Variants in USH2A observed in about 807,000 individuals in gnomAD.
USH2A encodes Usher syndrome 2A (autosomal recessive, mild).
A neutral mutation model predicts 538.9 loss-of-function variants in USH2A; 443 were observed. The ratio of observed to expected loss-of-function variants is 0.82; its 90% confidence interval spans 0.76 to 0.89. The LOEUF (loss-of-function observed/expected upper bound fraction) is 0.89. Ranked by LOEUF, USH2A falls within the 40% of genes least tolerant of loss-of-function variation. USH2A has a pLI of 0.00. For missense variants in USH2A, 6,633 were observed against 6,324.8 expected (o/e 1.05, Z -1.65); for synonymous variants, 2,413 against 2,273.5 (o/e 1.06, Z -1.75).
At chr1:216,058,183 A>G (rs1012971059) in intron 30 of USH2A, among the ~76,000 whole-genome samples, 1 of 126,768 alleles carries the variant, frequency 7.9e-6, no homozygotes, top group Non-Finnish European at 1.7e-5. Flanking sequence ...GGTCTCGCCT[A>G]TGAACATCCC....
chr1:216,115,777 G>A (rs1336798071), intron 21 of USH2A, among the ~76,000 whole-genome samples: 1 of 151,758 alleles, frequency 6.6e-6, no homozygotes, highest in African/African-American at 2.4e-5. Context: ...AAACAATTGT[G>A]TCTCAAATTG....
rs570245404 is a variant in USH2A, at chr1:215,708,637, C to T, written c.12066+19393G>A. Among the ~76,000 whole-genome samples the T allele has an allele frequency of 1.3e-4, 20 of 152,200 alleles. No individual in the cohort carries two copies. The South Asian group carries it at 3.5e-3, about 27-fold the overall frequency. ...AGGAGCACACAACTTAGATCCCTTG[C>T]GTGCGCAGTTCATAATAGGGTTTGC... On this transcript the variant is annotated intron_variant, in intron 61 of 71. Coordinates refer to ENST00000307340, the MANE Select transcript of USH2A (RefSeq NM_206933.4).
chr1:216,327,155 C>G (rs973865315), intron 5 of USH2A, among the ~76,000 whole-genome samples: 1 of 152,114 alleles, frequency 6.6e-6, no homozygotes, highest in African/African-American at 2.4e-5. Context: ...AGATCAGTCT[C>G]TTGAGAATTT....
rs367681686 is a variant in USH2A at position 216,167,881 on chromosome 1, C to T, written c.4627+7371G>A. ...ATCTATATGAATTTGCCGCCAGTAA[C>T]ATTAGTGCATAATCTTCTAAAACAT... On this transcript the variant is annotated intron_variant, in intron 21 of 71. Transcript: ENST00000307340. Among the ~76,000 whole-genome samples, 3 of 152,052 alleles carry T rather than the reference C, an allele frequency of 2.0e-5. No individual in the cohort carries two copies. In the South Asian group the frequency reaches 6.2e-4, roughly 32 times the overall value.
intron 62 of USH2A, among the ~76,000 whole-genome samples, chr1:215,679,414 A>C (rs540494768): frequency 6.8e-4 from 104 of 152,274 alleles, no homozygotes; most frequent in African/African-American, 2.4e-3. Context: ...TGAGGGCCTA[A>C]GAGATGGACC....
rs4443864 is a variant in USH2A, at chr1:215,675,702, C to G, written c.12295-86G>C. The G allele has an allele frequency of 0.22, 356,160 of 1,603,296 alleles. 41,501 individuals are homozygous for G. Among genetic ancestry groups the G allele is most frequent in the East Asian group, 0.38 (16,885 of 44,686 alleles). ...TTAGCCCCTTTTTAACCTTCACCCC[C>G]TTGTTCCTTATTTTGATGACCCTAA... On this transcript the variant is annotated intron_variant, in intron 62 of 71. Coordinates refer to ENST00000307340, the MANE Select transcript of USH2A (RefSeq NM_206933.4).
chr1:215,722,210 C>T (rs1307583740), intron 61 of USH2A, among the ~76,000 whole-genome samples: 7 of 152,044 alleles, frequency 4.6e-5, no homozygotes, highest in Non-Finnish European at 7.4e-5. Context: ...TTTATAGAAC[C>T]GACCCAGGAA....
chr1:216,143,550 G>A (rs1004309081), intron 21 of USH2A, among the ~76,000 whole-genome samples: 19 of 152,096 alleles, frequency 1.2e-4, no homozygotes, highest in Non-Finnish European at 2.2e-4. Flanking sequence ...CTAAAGAGTA[G>A]AAAATTCATG....
At chr1:215,653,576 G>T (rs1466662357) in intron 64 of USH2A, among the ~76,000 whole-genome samples, 1 of 152,176 alleles carries the variant, frequency 6.6e-6, no homozygotes, top group Non-Finnish European at 1.5e-5. Context: ...CACAAAACTT[G>T]TATGATGAGG....
rs1282782238 is a variant in USH2A, at chr1:215,624,961, CAG to C, written c.*818_*819del. The C allele has an allele frequency of 7.2e-5, 11 of 152,128 alleles. No individual in the cohort carries two copies. The highest frequency in any genetic ancestry group is 7.2e-4 in the Admixed American group (11 of 15,266). 9.4% of individuals were successfully genotyped at this position (152,128 alleles called of 1,614,324 possible). A position where few individuals can be genotyped will look rare whatever the true frequency, so the allele number is the denominator to read the frequency against. On this transcript the variant is annotated 3_prime_UTR_variant, in exon 72 of 72. Coordinates refer to ENST00000307340, the MANE Select transcript of USH2A (RefSeq NM_206933.4). ...TATTCTCTGATATTCAGTGAATTGACAGAATTTTATGAGAAACTAGTTTCAAA... is the reference window on the plus strand; with the variant it reads ...TATTCTCTGATATTCAGTGAATTGACAATTTTATGAGAAACTAGTTTCAAA...
chr1:216,063,639 A>G lies in USH2A; in HGVS notation c.6049+6462T>C, dbSNP rs72746303. 2.1e-4 allele frequency among the ~76,000 whole-genome samples: 32 copies of G among 152,346 alleles called. No homozygotes were observed. The South Asian group carries it at 2.3e-3, about 11-fold the overall frequency. ...CATGATGGCAGAGAGAAGACCAATT[A>G]TATCAATTATAAAAACAAGTATGAA... On this transcript the variant is annotated intron_variant, in intron 30 of 71. Transcript: ENST00000307340.
chr1:215,924,525 C>CA (rs1190016073), intron 38 of USH2A, among the ~76,000 whole-genome samples: 1 of 150,818 alleles, frequency 6.6e-6, no homozygotes, highest in Non-Finnish European at 1.5e-5. Context: ...AGAAATAAAG[C>CA]AAAAATTTCT....
At chr1:216,081,779 A>G (rs1172624558) in intron 26 of USH2A, among the ~76,000 whole-genome samples, 2 of 151,762 alleles carry the variant, frequency 1.3e-5, no homozygotes, top group Non-Finnish European at 1.5e-5. Context: ...TTTTCATAGA[A>G]AAAGGGTCTC....
chr1:216,071,613 C>T (rs1446000272), intron 29 of USH2A, among the ~76,000 whole-genome samples: 3 of 152,142 alleles, frequency 2.0e-5, no homozygotes, highest in Admixed American at 2.0e-4. Flanking sequence ...CAGATCATTG[C>T]TATAAATTCA....
At chr1:215,903,766 T>G (rs1405108677) in intron 38 of USH2A, among the ~76,000 whole-genome samples, 1 of 152,018 alleles carries the variant, frequency 6.6e-6, no homozygotes, top group African/African-American at 2.4e-5. Flanking sequence ...AGTGACAAAT[T>G]GGGTGGATGA....
chr1:215,786,624 T>C (rs1002778026), intron 52 of USH2A, 46 bp downstream of exon 52: 3 of 1,604,082 alleles, frequency 1.9e-6, no homozygotes, highest in East Asian at 2.2e-5. Context: ...CAGCAGCTTC[T>C]CACTAACCCC....
chr1:216,254,550 T>C (rs1436708735), intron 11 of USH2A, among the ~76,000 whole-genome samples: 1 of 152,224 alleles, frequency 6.6e-6, no homozygotes, highest in Non-Finnish European at 1.5e-5. Context: ...TTAAAATGCC[T>C]GCAAATTTAG....
At chr1:216,217,979 A>G (rs2102497245) in intron 14 of USH2A, among the ~76,000 whole-genome samples, 1 of 152,216 alleles carries the variant, frequency 6.6e-6, no homozygotes, top group Admixed American at 6.5e-5. Flanking sequence ...CAATTGCGAA[A>G]TAGAAAATCA....
intron 61 of USH2A, among the ~76,000 whole-genome samples, chr1:215,690,943 G>A (rs1408565216): frequency 1.3e-5 from 2 of 152,142 alleles, no homozygotes; most frequent in East Asian, 1.9e-4. Flanking sequence ...AGGCTGGAGT[G>A]CAGCCTCTTG....
Sources: allele counts gnomAD v4.1 joint callset (sites outside exome capture counted in the v4.1 genomes callset), GRCh38; gene constraint gnomAD v4.1.1; transcripts MANE v1.5; gene names NCBI Gene and HGNC (gene_info 2026-07-23, HGNC 2026-07-21).